ITIH6: variants seen among roughly 807,000 people sequenced by gnomAD.
The protein encoded by ITIH6 is inter-alpha-trypsin inhibitor heavy chain H6.
Under a neutral mutation model 58.2 loss-of-function variants are expected in ITIH6, and 60 were observed. That is an observed-to-expected ratio of 1.03 (90% CI 0.84 to 1.28). The LOEUF (loss-of-function observed/expected upper bound fraction) is 1.28, where lower values mean the gene tolerates loss of function less well. Ranked by LOEUF, ITIH6 falls within the 50% of genes most tolerant of loss-of-function variation. The probability of loss-of-function intolerance (pLI) is 0.00; values close to 1 mark genes in which losing one functional copy is unlikely to be tolerated. For missense variants in ITIH6, 1,290 were observed against 1,021.1 expected, an observed-to-expected ratio of 1.26 and a Z score of -3.59; for synonymous variants, 493 against 417.4, an observed-to-expected ratio of 1.18 and a Z score of -2.21.
chrX:54,755,076 A>T lies in ITIH6; in HGVS notation c.3143T>A (p.Ile1048Asn), dbSNP rs778552851. The change falls in exon 9 of 13, where the codon ATC (isoleucine) becomes AAC (asparagine). Residue 1048 changes from isoleucine to asparagine, a missense_variant. Ile to Asn is a moderately radical substitution (Grantham distance 149). Coordinates refer to ENST00000218436, the MANE Select transcript of ITIH6 (RefSeq NM_198510.3). ...CATGCTGCCTCCAGCTCCTCCCAGGATCTCCTCAGAATTGCCATCCCAGTT... is the reference window on the plus strand; with the variant it reads ...CATGCTGCCTCCAGCTCCTCCCAGGTTCTCCTCAGAATTGCCATCCCAGTT... ...SPNWDGNSEE[I>N]LGGAGGSMES... The T allele has an allele frequency of 2.5e-6, 3 of 1,210,641 alleles. No homozygotes were observed. In the East Asian group the frequency reaches 8.9e-5, roughly 36 times the overall value.
At position 54,749,840 on chromosome X, in the gene ITIH6, C is replaced by T; in HGVS notation, c.*55G>A. 8.4e-6 allele frequency: 9 copies of T among 1,067,910 alleles called. No homozygotes were observed. Among genetic ancestry groups the T allele is most frequent in the Non-Finnish European group, 1.2e-5 (9 of 782,570 alleles). The allele number at this position is 1,067,910 out of a possible 1,213,427, so 88.0% of individuals were successfully genotyped here. ...TCTCTGTCCCTGGCTCACCCCATGC[C>T]CTGGTTTCTGGATCTCCCAAATTCA... On this transcript the variant is annotated 3_prime_UTR_variant, in exon 13 of 13. Coordinates refer to ENST00000218436, the MANE Select transcript of ITIH6 (RefSeq NM_198510.3).
chrX:54,795,935 G>A (rs1363738273), intron 2 of ITIH6, among the ~76,000 whole-genome samples: 4 of 112,172 alleles, frequency 3.6e-5, no homozygotes, highest in African/African-American at 1.3e-4. Context: ...AGAGATCATA[G>A]CACAGTGCAG....
At chrX:54,769,074 A>T (rs1265086444) in intron 6 of ITIH6, among the ~76,000 whole-genome samples, 1 of 100,625 alleles carries the variant, frequency 9.9e-6, no homozygotes, top group Admixed American at 1.1e-4. Flanking sequence ...GGCTTTGCTC[A>T]TTTCTTTTTA....
At chrX:54,761,571 G>A (rs1253519594) in intron 6 of ITIH6, among the ~76,000 whole-genome samples, 2 of 111,533 alleles carry the variant, frequency 1.8e-5, no homozygotes, top group African/African-American at 6.5e-5. Flanking sequence ...ATGGTTTTAG[G>A]TCTAACATTT....
At chrX:54,775,923 A>G (rs1929041456) in intron 5 of ITIH6, among the ~76,000 whole-genome samples, 1 of 111,386 alleles carries the variant, frequency 9.0e-6, no homozygotes. Context: ...AAGGACACCA[A>G]TTTAACAACC....
intron 6 of ITIH6, among the ~76,000 whole-genome samples, chrX:54,763,240 C>A (rs891562020): frequency 9.0e-6 from 1 of 111,598 alleles, no homozygotes; most frequent in Non-Finnish European, 1.9e-5. Flanking sequence ...GTCTTTCCTG[C>A]CATAGGGAGA....
chrX:54,771,730 G>T (rs754485608), intron 6 of ITIH6, among the ~76,000 whole-genome samples: 1 of 110,984 alleles, frequency 9.0e-6, no homozygotes, highest in African/African-American at 3.3e-5. Flanking sequence ...ACAAGCATAC[G>T]AAAAAAATGC....
At chrX:54,778,505 T>G (rs1929094011) in intron 5 of ITIH6, among the ~76,000 whole-genome samples, 1 of 111,600 alleles carries the variant, frequency 9.0e-6, no homozygotes, top group Non-Finnish European at 1.9e-5. Context: ...TGCACCTGAG[T>G]TTTTTAAAAG....
chrX:54,751,341 C>A lies in ITIH6; in HGVS notation c.3392G>T (p.Arg1131Met), dbSNP rs1467512594. ...GCGAGTCTGGTCCTTGTGGCCCGGC[C>A]TTGGTGGTGCGCCAAGCAGCTTCCC... ...VSGKLLGAPP[R>M]PGHKDQTRTY... The change falls in exon 12 of 13, where the codon AGG becomes ATG. Residue 1131 changes from arginine to methionine, a missense_variant. By Grantham distance (91) the Arg-to-Met change is moderately conservative. Transcript: ENST00000218436. The A allele has an allele frequency of 8.3e-7, 1 of 1,212,020 alleles. No homozygotes were observed. Among genetic ancestry groups the A allele is most frequent in the East Asian group, 3.0e-5 (1 of 33,863 alleles).
intron 5 of ITIH6, among the ~76,000 whole-genome samples, chrX:54,780,453 A>T (rs1213655267): frequency 1.8e-5 from 2 of 112,498 alleles, no homozygotes; most frequent in Non-Finnish European, 1.9e-5. Flanking sequence ...GAAAGAAATT[A>T]AAAAATTTCT....
At chrX:54,770,234 G>A (rs188104015) in intron 6 of ITIH6, among the ~76,000 whole-genome samples, 39 of 112,591 alleles carry the variant, frequency 3.5e-4, no homozygotes, top group African/African-American at 8.7e-4. Flanking sequence ...GCCCTGCTTC[G>A]GCTCGCGCAT....
chrX:54,792,164 T>C, intron 2 of ITIH6, 128 bp from the exon 3 acceptor site: 1 of 450,944 alleles, frequency 2.2e-6, no homozygotes, highest in South Asian at 4.0e-5. Context: ...AACAACACAG[T>C]GCCATAAAGC....
At chrX:54,772,625 C>T (rs1928976155) in intron 6 of ITIH6, among the ~76,000 whole-genome samples, 1 of 112,454 alleles carries the variant, frequency 8.9e-6, no homozygotes, top group Non-Finnish European at 1.9e-5. Flanking sequence ...CTCCTTTTAG[C>T]ATGCCTTCTC....
At chrX:54,791,860 C>T (rs766154844) in intron 3 of ITIH6, 66 bp downstream of exon 3, 12 of 609,906 alleles carry the variant, frequency 2.0e-5, no homozygotes, top group African/African-American at 1.3e-4. Context: ...CCAGAGAGAA[C>T]GTGCATCTCC....
At chrX:54,754,428 T>C (rs973461337) in intron 9 of ITIH6, among the ~76,000 whole-genome samples, 1 of 111,925 alleles carries the variant, frequency 8.9e-6, no homozygotes, top group Non-Finnish European at 1.9e-5. Flanking sequence ...TTATGAAGGG[T>C]ATATTATCCA....
chrX:54,790,889 A>C lies in ITIH6; in HGVS notation c.564T>G (p.Tyr188Ter), dbSNP rs746654391. ...CGGTCCTCAGGGGTGGTATGTGCAC[A>C]TAGGAGATGCCTGTCCTTTCTGACA... is the stretch of plus-strand genomic sequence containing the variant. ...VTVSERTGISYVHIPPLRTGR... is the reference protein window; with the variant it reads ...VTVSERTGIS The change falls in exon 4 of 13, where the codon TAT becomes TAG. Residue 188 changes from tyrosine (Y) to a stop codon, truncating the protein, a stop_gained. Transcript: ENST00000218436. LOFTEE classifies it high-confidence loss of function. The C allele has an allele frequency of 1.6e-6, 2 of 1,212,298 alleles. No individual in the cohort carries two copies. Among genetic ancestry groups the C allele is most frequent in the South Asian group, 1.8e-5 (1 of 57,047 alleles).
intron 11 of ITIH6, among the ~76,000 whole-genome samples, chrX:54,751,866 G>C (rs1259766305): frequency 8.9e-6 from 1 of 111,937 alleles, no homozygotes; most frequent in East Asian, 2.8e-4. Context: ...ATCTGGATTA[G>C]TGTCATTGTT....
chrX:54,778,104 CAA>C (rs900486094), intron 5 of ITIH6, among the ~76,000 whole-genome samples: 2 of 107,963 alleles, frequency 1.9e-5, no homozygotes, highest in African/African-American at 6.8e-5. Context: ...ATGAAAGTAA[CAA>C]AGAGATTGCA....
chrX:54,761,671 C>A (rs1401630648), intron 6 of ITIH6, among the ~76,000 whole-genome samples: 2 of 110,823 alleles, frequency 1.8e-5, no homozygotes, highest in East Asian at 5.6e-4. Context: ...GCCAGTTTTC[C>A]CAGCACCATT....
Sources: allele counts gnomAD v4.1 joint callset (sites outside exome capture counted in the v4.1 genomes callset), GRCh38; gene constraint gnomAD v4.1.1; transcripts MANE v1.5; gene names NCBI Gene and HGNC (gene_info 2026-07-23, HGNC 2026-07-21).